Variants in PLAC1 observed in about 807,000 individuals in gnomAD.
PLAC1 encodes placenta-specific protein 1.
For missense variants in PLAC1, 136 were observed against 163.2 expected, an observed-to-expected ratio of 0.83 and a Z score of 0.91; for synonymous variants, 68 against 62.1, an observed-to-expected ratio of 1.09 and a Z score of -0.44.
At chrX:134,629,138 G>A (rs1408597931) in intron 1 of PLAC1, among the ~76,000 whole-genome samples, 1 of 111,624 alleles carries the variant, frequency 9.0e-6, no homozygotes, top group East Asian at 2.8e-4. Context: ...CCTGCATGCT[G>A]AGCTCCGGTT....
chrX:134,718,002 G>A (rs1287519977), intron 2 of PLAC1, among the ~76,000 whole-genome samples: 3 of 112,177 alleles, frequency 2.7e-5, no homozygotes, highest in Non-Finnish European at 5.6e-5. Context: ...GGTACCTGAT[G>A]GCCAAGAAGA....
chrX:134,580,619 G>A (rs1362064794), intron 2 of PLAC1, among the ~76,000 whole-genome samples: 1 of 111,599 alleles, frequency 9.0e-6, no homozygotes, highest in Non-Finnish European at 1.9e-5. Flanking sequence ...TAGGGTGGTG[G>A]AGAGGTGGGG....
intron 2 of PLAC1, among the ~76,000 whole-genome samples, chrX:134,587,396 A>T (rs192833028): frequency 1.2e-3 from 130 of 105,118 alleles, no homozygotes; most frequent in Admixed American, 3.2e-3. Flanking sequence ...TGTCTTTACA[A>T]AAATAAATAA....
At chrX:134,572,585 G>A (rs1293148538) in intron 2 of PLAC1, among the ~76,000 whole-genome samples, 1 of 111,157 alleles carries the variant, frequency 9.0e-6, no homozygotes, top group African/African-American at 3.3e-5. Flanking sequence ...CACCTTGACC[G>A]AACCCTTAAA....
chrX:134,688,169 C>A (rs1291704288), intron 2 of PLAC1, among the ~76,000 whole-genome samples: 1 of 110,329 alleles, frequency 9.1e-6, no homozygotes, highest in Non-Finnish European at 1.9e-5. Flanking sequence ...CTGCTGTTTT[C>A]GCCAATTCAG....
At chrX:134,639,764 G>A (rs1014361973) in intron 1 of PLAC1, among the ~76,000 whole-genome samples, 3 of 111,063 alleles carry the variant, frequency 2.7e-5, no homozygotes, top group African/African-American at 9.8e-5. Context: ...GAAATCATCA[G>A]TGCCCCAACT....
At chrX:134,712,036 A>G (rs1249389554) in intron 2 of PLAC1, among the ~76,000 whole-genome samples, 2 of 111,822 alleles carry the variant, frequency 1.8e-5, no homozygotes, top group Admixed American at 1.9e-4. Flanking sequence ...ATTTGTAAAC[A>G]TATAAAAAGA....
chrX:134,730,719 G>A (rs1051976899), intron 2 of PLAC1, among the ~76,000 whole-genome samples: 1 of 111,665 alleles, frequency 9.0e-6, no homozygotes, highest in Non-Finnish European at 1.9e-5. Context: ...AAAGTGCTGG[G>A]ATTATAAGCA....
At chrX:134,667,131 C>G (rs1050336136) in intron 2 of PLAC1, among the ~76,000 whole-genome samples, 1 of 112,114 alleles carries the variant, frequency 8.9e-6, no homozygotes, top group African/African-American at 3.2e-5. Flanking sequence ...AAAGCACAAG[C>G]AACCATGGAA....
chrX:134,750,067 G>GA (rs1184215679), intron 1 of PLAC1, among the ~76,000 whole-genome samples: 46 of 108,984 alleles, frequency 4.2e-4, no homozygotes, highest in Admixed American at 8.8e-4. Flanking sequence ...AAATTCATCA[G>GA]AAAAAAAAAC....
chrX:134,754,434 A>G (rs1457740688), intron 1 of PLAC1, among the ~76,000 whole-genome samples: 1 of 111,372 alleles, frequency 9.0e-6, no homozygotes, highest in Non-Finnish European at 1.9e-5. Context: ...TATTGGATCG[A>G]TCTATAATTA....
chrX:134,656,604 A>T (rs765959167), intron 1 of PLAC1, among the ~76,000 whole-genome samples: 1 of 110,542 alleles, frequency 9.0e-6, no homozygotes, highest in African/African-American at 3.3e-5. Context: ...TTCTTTTTTG[A>T]GATGCGGTTG....
At chrX:134,695,609 G>T (rs992877209) in intron 2 of PLAC1, among the ~76,000 whole-genome samples, 1 of 112,300 alleles carries the variant, frequency 8.9e-6, no homozygotes, top group African/African-American at 3.2e-5. Flanking sequence ...CACTTCTTTA[G>T]AGGCTAAGCC....
chrX:134,722,380 T>C (rs1232916025), intron 2 of PLAC1, among the ~76,000 whole-genome samples: 3 of 112,534 alleles, frequency 2.7e-5, no homozygotes, highest in Admixed American at 9.4e-5. Flanking sequence ...CATGCTACAA[T>C]GTGGATAAAC....
chrX:134,667,775 T>A (rs116372677), intron 2 of PLAC1, among the ~76,000 whole-genome samples: 1,826 of 109,920 alleles, frequency 0.017, 55 homozygotes, highest in African/African-American at 0.059. Context: ...AAAATTTTTT[T>A]AAATAGCTGG....
intron 1 of PLAC1, among the ~76,000 whole-genome samples, chrX:134,625,400 T>C (rs1449809869): frequency 1.8e-5 from 2 of 112,473 alleles, no homozygotes; most frequent in Admixed American, 9.4e-5. Context: ...ATTTGGTCAT[T>C]ACCATTTCAT....
chrX:134,753,543 A>C (rs2078749571), intron 1 of PLAC1, among the ~76,000 whole-genome samples: 1 of 109,891 alleles, frequency 9.1e-6, no homozygotes, highest in South Asian at 3.8e-4. Context: ...AACGACATCA[A>C]CTCTACTTCT....
chrX:134,691,000 A>G (rs868172664), intron 2 of PLAC1, among the ~76,000 whole-genome samples: 4 of 26,374 alleles, frequency 1.5e-4, no homozygotes, highest in Non-Finnish European at 3.1e-4. Flanking sequence ...ATATATATAT[A>G]TATATATATA....
chrX:134,670,847 C>T (rs1239378328), intron 2 of PLAC1, among the ~76,000 whole-genome samples: 2 of 112,156 alleles, frequency 1.8e-5, no homozygotes, highest in Admixed American at 1.9e-4. Flanking sequence ...CCATTCTAAC[C>T]TAACAAAGAC....
Sources: allele counts gnomAD v4.1 joint callset (sites outside exome capture counted in the v4.1 genomes callset), GRCh38; gene constraint gnomAD v4.1.1; transcripts MANE v1.5; gene names NCBI Gene and HGNC (gene_info 2026-07-23, HGNC 2026-07-21).